COL24A1: variants seen among roughly 807,000 people sequenced by gnomAD.
COL24A1 encodes collagen alpha-1(XXIV) chain.
A neutral mutation model predicts 253.9 loss-of-function variants in COL24A1; 224 were observed. The observed-to-expected ratio is 0.88, with a 90% confidence interval of 0.79 to 0.99. The LOEUF is 0.99. Ranked by LOEUF, COL24A1 falls within the 50% of genes least tolerant of loss-of-function variation. The pLI is 0.00. For missense variants in COL24A1, 2,131 were observed against 2,068.5 expected (o/e 1.03, Z -0.59); for synonymous variants, 685 against 673.7 (o/e 1.02, Z -0.26).
At chr1:85,782,428 A>G (rs180965963) in intron 51 of COL24A1, among the ~76,000 whole-genome samples, 7 of 152,314 alleles carry the variant, frequency 4.6e-5, no homozygotes, top group Admixed American at 2.0e-4. Context: ...GTTTTAGGGT[A>G]CATGTGCACA....
intron 43 of COL24A1, among the ~76,000 whole-genome samples, chr1:85,831,110 A>G (rs1216698592): frequency 6.6e-6 from 1 of 152,106 alleles, no homozygotes; most frequent in East Asian, 1.9e-4. Context: ...GAGCTTCTAT[A>G]TAGCCCATGA....
chr1:85,940,592 A>G (rs989466039), intron 24 of COL24A1, among the ~76,000 whole-genome samples: 2 of 152,166 alleles, frequency 1.3e-5, no homozygotes, highest in African/African-American at 4.8e-5. Flanking sequence ...GAGGTTCCTG[A>G]TTAGACAATA....
chr1:85,892,463 T>C (rs766299311), intron 31 of COL24A1, among the ~76,000 whole-genome samples: 24 of 152,012 alleles, frequency 1.6e-4, no homozygotes, highest in Middle Eastern at 3.4e-3. Flanking sequence ...CTACAAGAAA[T>C]ATAAAGGATG....
At chr1:86,142,614 G>C (rs917910698) in intron 2 of COL24A1, among the ~76,000 whole-genome samples, 1 of 151,274 alleles carries the variant, frequency 6.6e-6, no homozygotes, top group African/African-American at 2.4e-5. Context: ...AGTAAGTGAT[G>C]AAAAATCTCA....
At chr1:85,979,562 G>T (rs371191702) in intron 20 of COL24A1, among the ~76,000 whole-genome samples, 68 of 152,000 alleles carry the variant, frequency 4.5e-4, no homozygotes, top group African/African-American at 1.6e-3. Context: ...ACACCTTTAC[G>T]CACACAAACT....
chr1:86,107,787 G>A lies in COL24A1; in HGVS notation c.1599+4780C>T, dbSNP rs575027135. Among the ~76,000 whole-genome samples, 87 of 152,058 alleles carry A rather than the reference G, an allele frequency of 5.7e-4. 2 individuals are homozygous for A. The South Asian group carries it at 0.016, about 28-fold the overall frequency. ...CCTGACCTCGTGATCTACCCGCCTC[G>A]GCCTCCCAAAGTGGTAATTTTTAAT... On this transcript the variant is annotated intron_variant, in intron 5 of 59. Transcript: ENST00000370571.
chr1:86,119,902 C>T (rs2102223180), intron 3 of COL24A1, among the ~76,000 whole-genome samples: 1 of 152,280 alleles, frequency 6.6e-6, no homozygotes, highest in Admixed American at 6.5e-5. Context: ...TACTACAAGG[C>T]TACAGTAACC....
At chr1:86,069,135 T>A (rs1232601900) in intron 7 of COL24A1, among the ~76,000 whole-genome samples, 3 of 152,176 alleles carry the variant, frequency 2.0e-5, no homozygotes, top group Non-Finnish European at 4.4e-5. Flanking sequence ...ATGTACCAGC[T>A]TGGCCACAGT....
intron 57 of COL24A1, among the ~76,000 whole-genome samples, chr1:85,743,556 G>A (rs962880056): frequency 6.6e-5 from 10 of 152,060 alleles, no homozygotes; most frequent in African/African-American, 1.4e-4. Context: ...TTTGGGGGGC[G>A]TAAAGATTTT....
chr1:85,995,147 T>C (rs1694655708), intron 19 of COL24A1, among the ~76,000 whole-genome samples: 1 of 134,192 alleles, frequency 7.5e-6, no homozygotes, highest in Admixed American at 7.2e-5. Flanking sequence ...GTTTAGATAG[T>C]ATTTACAGTA....
At chr1:86,012,132 A>T (rs1469810167) in intron 19 of COL24A1, among the ~76,000 whole-genome samples, 2 of 152,096 alleles carry the variant, frequency 1.3e-5, no homozygotes, top group African/African-American at 2.4e-5. Flanking sequence ...AAAATAAAAA[A>T]AATAAATAAA....
At chr1:85,779,522 C>G (rs1668937761) in intron 52 of COL24A1, among the ~76,000 whole-genome samples, 1 of 151,960 alleles carries the variant, frequency 6.6e-6, no homozygotes, top group African/African-American at 2.4e-5. Context: ...TACATAAGAA[C>G]CTGGTCTTGG....
At chr1:85,849,204 T>C (rs1305043671) in intron 38 of COL24A1, 149 bp downstream of exon 38, 1 of 429,636 alleles carries the variant, frequency 2.3e-6, no homozygotes, top group Non-Finnish European at 4.1e-6. Context: ...AAATTAAATA[T>C]TAATTTATAT....
rs949385386 is a variant in COL24A1 at position 86,111,158 on chromosome 1, A to G, written c.1599+1409T>C. ...TCTGGTGGGGACTTAGAGAACTTTT[A>G]TGTCTAGCTAGAGGATTGTAAATGC... On this transcript the variant is annotated intron_variant, in intron 5 of 59. Coordinates refer to ENST00000370571, the MANE Select transcript of COL24A1 (RefSeq NM_152890.7). Among the ~76,000 whole-genome samples the G allele has an allele frequency of 4.7e-5, 7 of 148,796 alleles. 1 individual carries two copies. Among genetic ancestry groups the G allele is most frequent in the African/African-American group, 1.7e-4 (7 of 40,294 alleles).
At position 85,882,717 on chromosome 1, in the gene COL24A1, C is replaced by T. The variant is rs147666420; in HGVS notation, c.2977-5542G>A. 3.5e-3 allele frequency among the ~76,000 whole-genome samples: 529 copies of T among 152,204 alleles called. 7 individuals carry two copies. Among genetic ancestry groups the T allele is most frequent in the African/African-American group, 0.011 (448 of 41,516 alleles). On this transcript the variant is annotated intron_variant, in intron 32 of 59. Coordinates refer to ENST00000370571, the MANE Select transcript of COL24A1 (RefSeq NM_152890.7). The stretch of plus-strand genomic sequence containing the variant: ...GATAGAGGGGTGTTATTGTCTCCAA[C>T]TATAATAATAGAGTCATCTATTTTT...
chr1:85,872,627 C>G (rs1343290487), intron 35 of COL24A1, among the ~76,000 whole-genome samples: 1 of 152,138 alleles, frequency 6.6e-6, no homozygotes, highest in East Asian at 1.9e-4. Flanking sequence ...AGAAAACTGG[C>G]TAGCCATATG....
chr1:86,110,733 G>A lies in COL24A1; in HGVS notation c.1599+1834C>T, dbSNP rs1705477588. The stretch of plus-strand genomic sequence containing the variant: ...CTGGGTCCCGCAGCACTGATGGCCC[G>A]CCCGTGCTGCGCTCGAATTCTCGCT... On this transcript the variant is annotated intron_variant, in intron 5 of 59. Coordinates refer to ENST00000370571, the MANE Select transcript of COL24A1 (RefSeq NM_152890.7). Among the ~76,000 whole-genome samples the A allele has an allele frequency of 2.6e-5, 4 of 152,108 alleles. No homozygotes were observed. In the South Asian group the frequency reaches 8.3e-4, roughly 31 times the overall value.
chr1:86,137,424 T>G lies in COL24A1; in HGVS notation c.121+8695A>C, dbSNP rs115029776. Among the ~76,000 whole-genome samples, 989 of 152,268 alleles carry G rather than the reference T, an allele frequency of 6.5e-3. 16 individuals are homozygous for G. Among genetic ancestry groups the G allele is most frequent in the African/African-American group, 0.023 (963 of 41,568 alleles). On this transcript the variant is annotated intron_variant, in intron 2 of 59. Coordinates refer to ENST00000370571, the MANE Select transcript of COL24A1 (RefSeq NM_152890.7). Reference sequence around the variant, plus strand: ...ACTGTTGTTATCTACATGTGAGAGTTAGGAAAAGTAAGTCATAGAAAAGTT... The same window carrying G: ...ACTGTTGTTATCTACATGTGAGAGTGAGGAAAAGTAAGTCATAGAAAAGTT...
chr1:85,986,564 T>C (rs1395579322), intron 20 of COL24A1, among the ~76,000 whole-genome samples: 1 of 151,824 alleles, frequency 6.6e-6, no homozygotes, highest in African/African-American at 2.4e-5. Flanking sequence ...TGTGTTAGAA[T>C]TCTGGCTATA....
Sources: gnomAD v4.1 joint callset for allele counts (sites outside exome capture counted in the v4.1 genomes callset) on GRCh38, gnomAD v4.1.1 for gene constraint, MANE v1.5 for transcripts, NCBI Gene and HGNC (gene_info 2026-07-23, HGNC 2026-07-21) for gene names.